Variants in ATF3 observed in about 807,000 individuals in gnomAD.
The protein encoded by ATF3 is activating transcription factor 3.
Under a neutral mutation model 18.4 loss-of-function variants are expected in ATF3, and 10 were observed. The ratio of observed to expected loss-of-function variants is 0.54; its 90% confidence interval spans 0.34 to 0.92. The LOEUF (loss-of-function observed/expected upper bound fraction) is 0.92. ATF3 is among the 40% of genes least tolerant of loss of function. ATF3 has a pLI of 0.02. For synonymous variants in ATF3, 78 were observed against 87.9 expected (o/e 0.89, Z 0.63); for missense variants, 183 against 222.3 (o/e 0.82, Z 1.12).
At chr1:212,567,555 GATCTTTTTATAGGGAAAAAA>G (rs1323564831) in intron 1 of ATF3, among the ~76,000 whole-genome samples, 5 of 152,116 alleles carry the variant, frequency 3.3e-5, no homozygotes, top group Non-Finnish European at 5.9e-5. Context: ...CTTGATGTCT[GATCTTTTTATAGGGAAAAAA>G]ATGTCTTTAT....
rs932570176 is a variant in ATF3 at position 212,611,026 on chromosome 1, C to A, written c.-5+2096C>A. Among the ~76,000 whole-genome samples the A allele has an allele frequency of 4.6e-5, 7 of 152,196 alleles. No homozygotes were observed. The East Asian group carries it at 1.2e-3, about 25-fold the overall frequency. ...CATTAGATAGAGTCCATGATTCCTT[C>A]CTTTTTAAAATTGGCTGGGCATGGG... On this transcript the variant is annotated intron_variant, in intron 1 of 3. Coordinates refer to ENST00000341491, the MANE Select transcript of ATF3 (RefSeq NM_001674.4).
intron 1 of ATF3, among the ~76,000 whole-genome samples, chr1:212,599,590 T>C (rs1490804948): frequency 5.3e-5 from 8 of 152,186 alleles, no homozygotes; most frequent in Admixed American, 3.9e-4. Context: ...AGTCTTTCCA[T>C]TACTTTGATA....
chr1:212,579,213 T>C (rs1664636282), intron 1 of ATF3, among the ~76,000 whole-genome samples: 1 of 151,952 alleles, frequency 6.6e-6, no homozygotes, highest in African/African-American at 2.4e-5. Flanking sequence ...GGTTTCACCA[T>C]GTAGGCCAGG....
chr1:212,578,509 C>T (rs965168212), intron 1 of ATF3, among the ~76,000 whole-genome samples: 1 of 152,218 alleles, frequency 6.6e-6, no homozygotes, highest in Non-Finnish European at 1.5e-5. Flanking sequence ...CTAATGCCTT[C>T]TTCAACTTTA....
intron 1 of ATF3, chr1:212,565,607 C>T (rs1664368862): frequency 6.6e-6 from 1 of 152,078 alleles, no homozygotes; most frequent in South Asian, 2.1e-4. Flanking sequence ...GTGGGTGCCA[C>T]CCAGAAGAGG....
At chr1:212,594,822 C>A (rs1664958497) in intron 1 of ATF3, among the ~76,000 whole-genome samples, 1 of 152,176 alleles carries the variant, frequency 6.6e-6, no homozygotes, top group African/African-American at 2.4e-5. Flanking sequence ...CCCTTACAGG[C>A]CTACAGGTCA....
intron 1 of ATF3, among the ~76,000 whole-genome samples, chr1:212,592,592 A>G (rs906220703): frequency 2.0e-5 from 3 of 151,612 alleles, no homozygotes; most frequent in Admixed American, 1.3e-4. Flanking sequence ...GTCCTGTAGA[A>G]TTTCCCTCAT....
intron 1 of ATF3, among the ~76,000 whole-genome samples, chr1:212,592,018 C>T (rs936465346): frequency 7.2e-5 from 11 of 152,092 alleles, no homozygotes; most frequent in Non-Finnish European, 1.5e-4. Flanking sequence ...ATAAAATGTT[C>T]TATTTTAACC....
intron 1 of ATF3, among the ~76,000 whole-genome samples, chr1:212,568,035 G>A (rs1038228050): frequency 2.6e-5 from 4 of 152,280 alleles, no homozygotes; most frequent in South Asian, 4.1e-4. Context: ...AGGGTCTGCC[G>A]ACTATTATAG....
Position 212,619,820 on chromosome 1 carries a change from C to T in ATF3, c.*265C>T, listed in dbSNP as rs1447935075. ...TGGCCATTCTTATGTTCCAGATGGC[C>T]CCCAGCTGGTGTCCTGCCCGCCTTT... On this transcript the variant is annotated 3_prime_UTR_variant, in exon 4 of 4. Transcript: ENST00000341491. This position sits in a 1 kb window ranked among gnomAD's most constrained non-coding sequence, Gnocchi z 4.4. 1.8e-5 allele frequency: 7 copies of T among 388,990 alleles called. No homozygotes were observed. Among genetic ancestry groups the T allele is most frequent in the Admixed American group, 3.8e-5 (1 of 26,532 alleles). 24.1% of individuals were successfully genotyped at this position (388,990 alleles called of 1,614,324 possible). A position where few individuals can be genotyped will look rare whatever the true frequency, so the allele number is the denominator to read the frequency against.
At chr1:212,574,230 C>T (rs1353726834) in intron 1 of ATF3, among the ~76,000 whole-genome samples, 1 of 151,776 alleles carries the variant, frequency 6.6e-6, no homozygotes, top group Admixed American at 6.6e-5. Flanking sequence ...TTTCTTAGTA[C>T]AATATTTCAT....
intron 1 of ATF3, among the ~76,000 whole-genome samples, chr1:212,594,625 G>T (rs763685058): frequency 2.6e-5 from 4 of 152,202 alleles, no homozygotes; most frequent in Non-Finnish European, 5.9e-5. Flanking sequence ...AGGGTGGCAG[G>T]GGTACAAGAG....
At chr1:212,578,192 C>T (rs1282071784) in intron 1 of ATF3, among the ~76,000 whole-genome samples, 1 of 152,202 alleles carries the variant, frequency 6.6e-6, no homozygotes, top group East Asian at 1.9e-4. Flanking sequence ...TGCAATTTAT[C>T]TTCACTTCTA....
At chr1:212,581,815 A>T (rs924783349) in intron 1 of ATF3, among the ~76,000 whole-genome samples, 1 of 152,236 alleles carries the variant, frequency 6.6e-6, no homozygotes, top group Admixed American at 6.5e-5. Context: ...AAGTTTTCAG[A>T]TACATGGCTT....
chr1:212,578,114 T>C (rs1664615913), intron 1 of ATF3, among the ~76,000 whole-genome samples: 1 of 152,222 alleles, frequency 6.6e-6, no homozygotes, highest in Non-Finnish European at 1.5e-5. Flanking sequence ...TAATAGTCAC[T>C]CTGATGTGTG....
At chr1:212,594,956 T>G (rs561701520) in intron 1 of ATF3, among the ~76,000 whole-genome samples, 1 of 152,354 alleles carries the variant, frequency 6.6e-6, no homozygotes, top group Non-Finnish European at 1.5e-5. Flanking sequence ...GCCATTCCGA[T>G]TCTAAAGACT....
chr1:212,575,064 A>T lies in ATF3; in HGVS notation c.-5+9581A>T, dbSNP rs192834241. On this transcript the variant is annotated intron_variant, in intron 1 of 3. Transcript: ENST00000366981. ...AATATGAAAATTTCATCAAATCTAC[A>T]AATAAATATGGAGATGGCTAATATT... Among the ~76,000 whole-genome samples the T allele has an allele frequency of 1.3e-3, 193 of 152,240 alleles. 2 individuals carry two copies. The highest frequency in any genetic ancestry group is 1.8e-4 in the Non-Finnish European group (12 of 67,962).
chr1:212,594,740 C>CT (rs1357893974), intron 1 of ATF3, among the ~76,000 whole-genome samples: 3 of 152,314 alleles, frequency 2.0e-5, no homozygotes, highest in East Asian at 3.9e-4. Flanking sequence ...CGCCTGATCC[C>CT]TTTTTAGGGT....
intron 1 of ATF3, among the ~76,000 whole-genome samples, chr1:212,572,873 C>T (rs1664509949): frequency 1.3e-5 from 2 of 152,122 alleles, no homozygotes; most frequent in South Asian, 4.1e-4. Flanking sequence ...GATAATAGTT[C>T]TATATAGAAA....
Sources: allele counts gnomAD v4.1 joint callset (sites outside exome capture counted in the v4.1 genomes callset), GRCh38; gene constraint gnomAD v4.1.1; non-coding constraint Gnocchi (gnomAD v3.1); transcripts MANE v1.5; gene names NCBI Gene and HGNC (gene_info 2026-07-23, HGNC 2026-07-21).